Variants in SCLT1 observed in about 807,000 individuals in gnomAD.
SCLT1 encodes sodium channel and clathrin linker 1, also known as sodium channel-associated protein 1.
Under a neutral mutation model 112.8 loss-of-function variants are expected in SCLT1, and 78 were observed. The ratio of observed to expected loss-of-function variants is 0.69; its 90% CI spans 0.58 to 0.83. The LOEUF (loss-of-function observed/expected upper bound fraction) is 0.83. Ranked by LOEUF, SCLT1 falls within the 40% of genes least tolerant of loss-of-function variation. The probability of loss-of-function intolerance (pLI) is 0.00; values close to 1 mark genes in which losing one functional copy is unlikely to be tolerated. For missense variants in SCLT1, 747 were observed against 770.4 expected, an observed-to-expected ratio of 0.97 and a Z score of 0.36; for synonymous variants, 257 against 254.7, an observed-to-expected ratio of 1.01 and a Z score of -0.09.
downstream of SCLT1, among the ~76,000 whole-genome samples, chr4:128,883,178 A>AG (rs1732685499): frequency 6.7e-6 from 1 of 149,192 alleles, no homozygotes; most frequent in Non-Finnish European, 1.5e-5. Context: ...AAAAAAAAAA[A>AG]GTACATGCAG....
At chr4:128,892,074 G>A (rs1350862788) in intron 18 of SCLT1, among the ~76,000 whole-genome samples, 2 of 152,082 alleles carry the variant, frequency 1.3e-5, no homozygotes, top group Non-Finnish European at 2.9e-5. Context: ...TTATGTTTTG[G>A]TTGTAAATGT....
At chr4:128,923,225 C>T (rs907009167) in intron 18 of SCLT1, among the ~76,000 whole-genome samples, 7 of 152,102 alleles carry the variant, frequency 4.6e-5, no homozygotes, top group African/African-American at 1.7e-4. Context: ...GCAGGTGGAT[C>T]ACTTGAGGTC....
chr4:128,916,747 T>C (rs1005936677), intron 18 of SCLT1, among the ~76,000 whole-genome samples: 8 of 152,174 alleles, frequency 5.3e-5, no homozygotes, highest in Non-Finnish European at 1.0e-4. Context: ...ATTAGAGCAA[T>C]GTGTCCTTGT....
intron 2 of SCLT1, among the ~76,000 whole-genome samples, chr4:129,069,028 G>A (rs1427963599): frequency 6.6e-6 from 1 of 152,074 alleles, no homozygotes; most frequent in African/African-American, 2.4e-5. Flanking sequence ...TGTTGAAAAG[G>A]GAGTCCTTTC....
At chr4:128,876,414 A>C (rs1320715060) in intron 4 of SCLT1, 2 of 152,194 alleles carry the variant, frequency 1.3e-5, no homozygotes, top group African/African-American at 2.4e-5. Context: ...GGAAGGGCCT[A>C]TCATTGGCAG....
At chr4:128,936,272 T>G (rs1737174066) in intron 18 of SCLT1, among the ~76,000 whole-genome samples, 1 of 152,160 alleles carries the variant, frequency 6.6e-6, no homozygotes. Flanking sequence ...CTCATTCCTA[T>G]GTTGAAGCTC....
At chr4:129,083,095 G>A (rs557816236) in intron 1 of SCLT1, among the ~76,000 whole-genome samples, 1 of 148,690 alleles carries the variant, frequency 6.7e-6, no homozygotes, top group African/African-American at 2.5e-5. Context: ...AGAGGCTGAG[G>A]CAGGAGAATA....
chr4:129,025,605 G>T (rs199967994), intron 5 of SCLT1, among the ~76,000 whole-genome samples: 13,398 of 152,158 alleles, frequency 0.088, 757 homozygotes, highest in South Asian at 0.15. Context: ...ATGCCAAATT[G>T]TAAAGACCAT....
intron 18 of SCLT1, among the ~76,000 whole-genome samples, chr4:128,900,795 A>G (rs1389147097): frequency 6.6e-6 from 1 of 152,238 alleles, no homozygotes; most frequent in Non-Finnish European, 1.5e-5. Context: ...AAGGGCTAAT[A>G]TCCAGAATCT....
intron 18 of SCLT1, among the ~76,000 whole-genome samples, chr4:128,911,353 T>C (rs1329690274): frequency 1.3e-5 from 2 of 152,200 alleles, no homozygotes; most frequent in African/African-American, 4.8e-5. Context: ...TTACAGATAC[T>C]ATACACTAAT....
intron 13 of SCLT1, among the ~76,000 whole-genome samples, chr4:128,955,115 A>C (rs13136209): frequency 0.036 from 5,438 of 152,280 alleles, 99 homozygotes; most frequent in Middle Eastern, 0.054. Flanking sequence ...TAAACTTCTA[A>C]GCTCCAAAGG....
chr4:129,064,270 G>T (rs1003571831), intron 2 of SCLT1, among the ~76,000 whole-genome samples: 1 of 152,060 alleles, frequency 6.6e-6, no homozygotes, highest in Non-Finnish European at 1.5e-5. Flanking sequence ...GTCAGTCTGT[G>T]GTATGTTTAT....
intron 2 of SCLT1, among the ~76,000 whole-genome samples, chr4:129,066,713 T>G (rs980382542): frequency 3.9e-5 from 6 of 152,092 alleles, no homozygotes; most frequent in African/African-American, 1.4e-4. Flanking sequence ...CATAAACTGG[T>G]AAAATATATT....
chr4:128,884,547 TA>T lies in SCLT1; in HGVS notation c.2005-9del. 3.2e-6 allele frequency: 5 copies of T among 1,581,196 alleles called. No individual in the cohort carries two copies. The highest frequency in any genetic ancestry group is 4.3e-6 in the Non-Finnish European group (5 of 1,151,844). On this transcript the variant is annotated splice_polypyrimidine_tract_variant and intron_variant, in intron 20 of 20. Coordinates refer to ENST00000281142, the MANE Select transcript of SCLT1 (RefSeq NM_144643.4). ...CACTGTAATCACACTGAGCTGCAAT[TA>T]AAATAAACAATCGGTAAGTAGTTAC... is the stretch of plus-strand genomic sequence containing the variant.
chr4:128,969,048 C>T (rs938420637), intron 10 of SCLT1, among the ~76,000 whole-genome samples: 1 of 152,200 alleles, frequency 6.6e-6, no homozygotes, highest in African/African-American at 2.4e-5. Context: ...CGCATGTATT[C>T]AATTATAAAA....
chr4:128,922,082 A>G (rs1237355501), intron 18 of SCLT1, among the ~76,000 whole-genome samples: 1 of 152,250 alleles, frequency 6.6e-6, no homozygotes, highest in Non-Finnish European at 1.5e-5. Flanking sequence ...AATGCAAATC[A>G]AAACCACAAT....
At position 128,960,905 on chromosome 4, in the gene SCLT1, C is replaced by T. The variant is rs28541842; in HGVS notation, c.870-1128G>A. 8.7e-3 allele frequency among the ~76,000 whole-genome samples: 934 copies of T among 107,714 alleles called. 14 individuals are homozygous for T. The highest frequency in any genetic ancestry group is 0.034 in the African/African-American group (876 of 25,446). The allele number at this position is 107,714 out of a possible 152,430, so 70.7% of individuals were successfully genotyped here. On this transcript the variant is annotated intron_variant, in intron 11 of 20. Transcript: ENST00000281142. ...ACTGCAGTCCGCAGTCCGGCCTGGG[C>T]GACAGAGCGAGACTCCGTCTCAAAA...
intron 4 of SCLT1, among the ~76,000 whole-genome samples, chr4:128,875,400 A>G (rs1732486640): frequency 6.6e-6 from 1 of 152,226 alleles, no homozygotes; most frequent in African/African-American, 2.4e-5. Context: ...CTCAACTCTG[A>G]TGGCGAGACT....
At chr4:128,875,313 A>ACTT (rs1732484164) in intron 4 of SCLT1, 1 of 152,600 alleles carries the variant, frequency 6.6e-6, no homozygotes, top group Admixed American at 6.5e-5. Context: ...ACTGTCTTCC[A>ACTT]CTTTAAATCA....
Sources: gnomAD v4.1 joint callset for allele counts (sites outside exome capture counted in the v4.1 genomes callset) on GRCh38, gnomAD v4.1.1 for gene constraint, MANE v1.5 for transcripts, NCBI Gene and HGNC (gene_info 2026-07-23, HGNC 2026-07-21) for gene names.